The following DUSP13B variants were observed in gnomAD, a reference collection of about 807,000 sequenced individuals.
DUSP13B encodes the protein dual specificity phosphatase 13B.
the DUSP13B span, chr10:75,105,744 C>T: frequency 6.4e-7 from 1 of 1,554,418 alleles, no homozygotes; most frequent in Non-Finnish European, 8.7e-7. Flanking sequence ...TGGGGAAGAC[C>T]CATCGGTGCT....
chr10:75,094,928 C>T, the DUSP13B span: 2,016 of 1,557,496 alleles, frequency 1.3e-3, 3 homozygotes, highest in Non-Finnish European at 1.7e-3. Context: ...GAACCACCCA[C>T]CCCTTTGGGA....
chr10:75,096,121 G>A, the DUSP13B span, among the ~76,000 whole-genome samples: 1 of 152,078 alleles, frequency 6.6e-6, no homozygotes, highest in East Asian at 1.9e-4. Flanking sequence ...CAGGCATGGT[G>A]GTGGGCACCT....
the DUSP13B span, among the ~76,000 whole-genome samples, chr10:75,097,051 G>T: frequency 6.6e-6 from 1 of 152,148 alleles, no homozygotes. Context: ...AAACTTTACA[G>T]AAAATAATTA....
At chr10:75,105,994 C>T in the DUSP13B span, 1 of 849,896 alleles carries the variant, frequency 1.2e-6, no homozygotes, top group Non-Finnish European at 1.9e-6. Context: ...GCAAGTCACT[C>T]AGCCTTTATG....
the DUSP13B span, chr10:75,109,018 A>G: frequency 1.1e-5 from 17 of 1,607,140 alleles, no homozygotes; most frequent in African/African-American, 4.0e-5. Flanking sequence ...CGCATCTCCT[A>G]TGAAAAGGTT....
At chr10:75,096,348 G>A in the DUSP13B span, among the ~76,000 whole-genome samples, 16 of 152,040 alleles carry the variant, frequency 1.1e-4, no homozygotes, top group African/African-American at 3.4e-4. Context: ...AGACTAAGGC[G>A]GGAGGATTCA....
At chr10:75,105,731 G>C in the DUSP13B span, 1 of 1,554,534 alleles carries the variant, frequency 6.4e-7, no homozygotes, top group Non-Finnish European at 8.7e-7. Flanking sequence ...AGGAAGCCTC[G>C]GTTGGGGAAG....
chr10:75,097,908 G>A, the DUSP13B span: 3 of 1,545,096 alleles, frequency 1.9e-6, no homozygotes, highest in Non-Finnish European at 2.6e-6. Flanking sequence ...GGACACCGCA[G>A]TGGCTGGAGG....
chr10:75,095,302 G>T, the DUSP13B span, among the ~76,000 whole-genome samples: 2 of 152,162 alleles, frequency 1.3e-5, no homozygotes, highest in Non-Finnish European at 1.5e-5. Context: ...GCTTCACTGG[G>T]TCCTATACCT....
chr10:75,094,486 A>G, the DUSP13B span: 1 of 607,026 alleles, frequency 1.6e-6, no homozygotes, highest in Non-Finnish European at 2.9e-6. Flanking sequence ...TCACTTTTGC[A>G]TAAAGAATCT....
At chr10:75,102,826 C>T in the DUSP13B span, among the ~76,000 whole-genome samples, 1 of 152,118 alleles carries the variant, frequency 6.6e-6, no homozygotes, top group Non-Finnish European at 1.5e-5. Flanking sequence ...GTGGCGCATG[C>T]CTGTAATCCC....
the DUSP13B span, chr10:75,099,540 C>G: frequency 1.6e-6 from 2 of 1,231,646 alleles, no homozygotes; most frequent in Non-Finnish European, 2.0e-6. Flanking sequence ...TGTGAAGCGG[C>G]TAGAATTCCA....
the DUSP13B span, chr10:75,105,717 G>C: frequency 6.4e-7 from 1 of 1,553,834 alleles, no homozygotes; most frequent in Non-Finnish European, 8.7e-7. Context: ...TGCAGAGCTG[G>C]TGCAGGAAGC....
chr10:75,096,909 C>T, the DUSP13B span, among the ~76,000 whole-genome samples: 1 of 152,252 alleles, frequency 6.6e-6, no homozygotes, highest in African/African-American at 2.4e-5. Context: ...ACTTCAGGTA[C>T]ACATAACAAT....
the DUSP13B span, among the ~76,000 whole-genome samples, chr10:75,102,155 G>C: frequency 6.6e-6 from 1 of 152,248 alleles, no homozygotes; most frequent in African/African-American, 2.4e-5. Flanking sequence ...AGGTCTGACT[G>C]TGGCATATTG....
At chr10:75,108,088 G>A in the DUSP13B span, 96 of 1,613,886 alleles carry the variant, frequency 5.9e-5, no homozygotes, top group African/African-American at 9.5e-4. Context: ...GGCACCCCCA[G>A]GTAGCTCACA....
At chr10:75,106,197 C>G in the DUSP13B span, among the ~76,000 whole-genome samples, 1 of 150,990 alleles carries the variant, frequency 6.6e-6, no homozygotes, top group Non-Finnish European at 1.5e-5. Flanking sequence ...CCACCTTGGC[C>G]TCCCAAAGTG....
the DUSP13B span, among the ~76,000 whole-genome samples, chr10:75,106,305 C>G: frequency 4.1e-4 from 62 of 152,048 alleles, no homozygotes; most frequent in African/African-American, 1.2e-3. Flanking sequence ...GTCCCTCCCC[C>G]ACCTTCAGCT....
the DUSP13B span, among the ~76,000 whole-genome samples, chr10:75,108,472 C>T: frequency 6.6e-6 from 1 of 152,150 alleles, no homozygotes; most frequent in African/African-American, 2.4e-5. Context: ...TTGGCCAGGA[C>T]AGGAAGGAAG....
Sources: allele counts gnomAD v4.1 joint callset (sites outside exome capture counted in the v4.1 genomes callset), GRCh38; gene constraint gnomAD v4.1.1; transcripts MANE v1.5; gene names NCBI Gene and HGNC (gene_info 2026-07-23, HGNC 2026-07-21).